FAT2: variants seen among roughly 807,000 people sequenced by gnomAD.
The protein encoded by FAT2 is FAT atypical cadherin 2, also known as protocadherin Fat 2.
Under a neutral mutation model 295.3 loss-of-function variants are expected in FAT2, and 150 were observed. The observed-to-expected ratio is 0.51, with a 90% CI of 0.44 to 0.58. The LOEUF (loss-of-function observed/expected upper bound fraction) is 0.58, where lower values mean the gene tolerates loss of function less well. Among genes scored for constraint, FAT2 ranks in the 20% least tolerant of loss-of-function variants. The probability of loss-of-function intolerance (pLI) is 0.00; values close to 1 mark genes in which losing one functional copy is unlikely to be tolerated. For synonymous variants in FAT2, 2,026 were observed against 2,150.3 expected, an observed-to-expected ratio of 0.94 and a Z score of 1.60; for missense variants, 4,868 against 5,442.7, an observed-to-expected ratio of 0.89 and a Z score of 3.32.
chr5:151,591,313 A>G lies in FAT2; in HGVS notation c.-169T>C, dbSNP rs1291070288. ...CCCGCAGCCGGAGAGGCTGCTGAGAAAGTTGGAGTAGGTGTGTCCCAGCCC... is the reference window on the plus strand; with the variant it reads ...CCCGCAGCCGGAGAGGCTGCTGAGAGAGTTGGAGTAGGTGTGTCCCAGCCC... On this transcript the variant is annotated 5_prime_UTR_variant, in exon 1 of 24. Transcript: ENST00000261800. Among the ~76,000 whole-genome samples the G allele has an allele frequency of 5.3e-5, 8 of 152,204 alleles. No individual in the cohort carries two copies. Among genetic ancestry groups the G allele is most frequent in the Non-Finnish European group, 7.3e-5 (5 of 68,032 alleles).
At chr5:151,554,819 C>T (rs1307841338) in intron 4 of FAT2, 146 bp from the exon 5 acceptor site, 12 of 674,230 alleles carry the variant, frequency 1.8e-5, no homozygotes, top group Non-Finnish European at 3.0e-5. Context: ...TGGAACTCAG[C>T]TCTCTGGCAA....
upstream of FAT2, among the ~76,000 whole-genome samples, chr5:151,593,600 TTC>T (rs1277018424): frequency 2.6e-5 from 4 of 152,156 alleles, no homozygotes; most frequent in Non-Finnish European, 4.4e-5. Context: ...ATATCTAAAA[TTC>T]TCTCTCTTCC....
intron 19 of FAT2, among the ~76,000 whole-genome samples, chr5:151,519,458 C>A (rs1226104664): frequency 6.6e-6 from 1 of 152,132 alleles, no homozygotes; most frequent in African/African-American, 2.4e-5. Flanking sequence ...AAATTCCCAC[C>A]CCGGCTGGAT....
rs2127610193 is a variant in FAT2, at chr5:151,544,638, C to T, written c.6489G>A (p.Val2163=). The change falls in exon 10 of 24, where the codon GTG becomes GTA. Residue 2163 remains valine, a synonymous_variant. Transcript: ENST00000261800. ...LQSEEEVLVT[V]RNKSNPLFQS... ...GAAACAGTGGGTTGGATTTATTTCT[C>T]ACAGTGACAAGTACCTCTTCCTCAC... 1 of 1,614,118 alleles carries T rather than the reference C, an allele frequency of 6.2e-7. No individual in the cohort carries two copies. Among genetic ancestry groups the T allele is most frequent in the Non-Finnish European group, 8.5e-7 (1 of 1,180,022 alleles).
At position 151,521,550 on chromosome 5, in the gene FAT2, A is replaced by G. The variant is rs3822699; in HGVS notation, c.11043T>C (p.Asp3681=). ...AATGCCCCTCAAAGACCAGGAGCAC[A>G]TCCACACCAGCCACGGCCTCTGCAG... The part of the protein sequence containing the change: ...LQPAEAVAGV[D]VLLVFEGHSG... Residue 3681 remains aspartate (D), a synonymous_variant, in exon 19 of 24, where the codon GAT becomes GAC. Transcript: ENST00000261800. 1,187,493 of 1,614,006 alleles carry G rather than the reference A, an allele frequency of 0.74. 439,632 individuals carry two copies. Among genetic ancestry groups the G allele is most frequent in the East Asian group, 0.95 (42,566 of 44,876 alleles).
At chr5:151,564,411 C>T (rs1758158161) in intron 2 of FAT2, among the ~76,000 whole-genome samples, 1 of 152,210 alleles carries the variant, frequency 6.6e-6, no homozygotes, top group Non-Finnish European at 1.5e-5. Flanking sequence ...TAATCTAATG[C>T]TCTTTCTAAT....
chr5:151,525,128 T>C (rs1370548065), intron 18 of FAT2, among the ~76,000 whole-genome samples: 1 of 152,162 alleles, frequency 6.6e-6, no homozygotes, highest in South Asian at 2.1e-4. Flanking sequence ...ACTGACTGAC[T>C]GAAAGAATGA....
chr5:151,518,204 C>A (rs1753061074), intron 19 of FAT2, among the ~76,000 whole-genome samples: 1 of 151,904 alleles, frequency 6.6e-6, no homozygotes, highest in Non-Finnish European at 1.5e-5. Flanking sequence ...AGGCATGGTG[C>A]CTCATGCCTG....
chr5:151,554,834 G>T (rs1406692406), intron 4 of FAT2, among the ~76,000 whole-genome samples, 161 bp from the exon 5 acceptor site: 1 of 152,078 alleles, frequency 6.6e-6, no homozygotes. Context: ...TGGCAACTTT[G>T]CCCCTGGGAA....
intron 20 of FAT2, among the ~76,000 whole-genome samples, chr5:151,513,294 A>G (rs1434066992): frequency 1.3e-5 from 2 of 152,220 alleles, no homozygotes; most frequent in African/African-American, 2.4e-5. Flanking sequence ...ACATACACTC[A>G]TATGTTGATT....
At chr5:151,586,099 T>C (rs1255481085) in intron 1 of FAT2, among the ~76,000 whole-genome samples, 1 of 152,252 alleles carries the variant, frequency 6.6e-6, no homozygotes, top group Admixed American at 6.5e-5. Flanking sequence ...TTTGGCACCA[T>C]TGAGCCTTGC....
At chr5:151,591,892 GA>G (rs1277903025), upstream of FAT2, among the ~76,000 whole-genome samples, 2 of 152,150 alleles carry the variant, frequency 1.3e-5, no homozygotes, top group African/African-American at 4.8e-5. Context: ...AACCAGTCAG[GA>G]CTTAGCTGAG....
chr5:151,540,090 T>C (rs916778464), intron 11 of FAT2, among the ~76,000 whole-genome samples: 1 of 152,252 alleles, frequency 6.6e-6, no homozygotes, highest in Non-Finnish European at 1.5e-5. Context: ...CCATTGGGCA[T>C]GGCTGGCTGT....
At chr5:151,556,458 A>C in intron 3 of FAT2, 56 bp from the exon 4 acceptor site, 1 of 1,141,682 alleles carries the variant, frequency 8.8e-7, no homozygotes, top group Non-Finnish European at 1.3e-6. Context: ...GGGCCACTTT[A>C]CTGAGGCAAC....
chr5:151,583,275 G>T (rs940613694), intron 1 of FAT2, among the ~76,000 whole-genome samples: 2 of 152,110 alleles, frequency 1.3e-5, no homozygotes, highest in African/African-American at 4.8e-5. Flanking sequence ...AGTTATAGCA[G>T]CCCCAAATTG....
intron 13 of FAT2, among the ~76,000 whole-genome samples, chr5:151,533,393 A>AAC (rs36215342): frequency 0.13 from 16,762 of 132,000 alleles, 1,103 homozygotes; most frequent in Admixed American, 0.22. Context: ...TGTTATCTCC[A>AAC]ACACACACAC....
intron 20 of FAT2, among the ~76,000 whole-genome samples, chr5:151,516,389 A>T (rs371611203): frequency 6.6e-6 from 1 of 152,026 alleles, no homozygotes; most frequent in African/African-American, 2.4e-5. Context: ...GGTTGCACAC[A>T]CCTGTAATTC....
rs779921101 is a variant in FAT2 at position 151,505,972 on chromosome 5, C to T, written c.12643G>A (p.Val4215Met). Residue 4215 changes from valine to methionine, a missense_variant, in exon 24 of 24, where the codon GTG becomes ATG. Transcript: ENST00000261800. ...PSAHRHSTPV[V>M]MPEPNGLYGG... ...TAGAGGCCATTAGGCTCTGGCATCA[C>T]GACTGGGGTTGAGTGGCGGTGAGCC... 31 of 1,572,304 alleles carry T rather than the reference C, an allele frequency of 2.0e-5. No homozygotes were observed. Among genetic ancestry groups the T allele is most frequent in the East Asian group, 1.8e-4 (8 of 44,550 alleles).
chr5:151,514,493 C>T (rs1752642206), intron 20 of FAT2, among the ~76,000 whole-genome samples: 1 of 152,250 alleles, frequency 6.6e-6, no homozygotes, highest in Non-Finnish European at 1.5e-5. Context: ...AACTCTCCAC[C>T]TGCTCTATAC....
Sources: gnomAD v4.1 joint callset for allele counts (sites outside exome capture counted in the v4.1 genomes callset) on GRCh38, gnomAD v4.1.1 for gene constraint, MANE v1.5 for transcripts, NCBI Gene and HGNC (gene_info 2026-07-23, HGNC 2026-07-21) for gene names.